PXDNL: variants seen among roughly 807,000 people sequenced by gnomAD.
PXDNL encodes probable oxidoreductase PXDNL.
Under a neutral mutation model 150.8 loss-of-function variants are expected in PXDNL, and 145 were observed. That is an observed-to-expected ratio of 0.96 (90% confidence interval 0.84 to 1.10). PXDNL has a LOEUF of 1.10. PXDNL is among the 50% of genes least tolerant of loss of function. PXDNL has a pLI of 0.00. For synonymous variants in PXDNL, 757 were observed against 725.7 expected (o/e 1.04, Z -0.69); for missense variants, 2,087 against 1,873.9 (o/e 1.11, Z -2.10).
intron 1 of PXDNL, among the ~76,000 whole-genome samples, chr8:51,672,981 G>C (rs1455343421): frequency 1.3e-5 from 2 of 152,142 alleles, no homozygotes; most frequent in Non-Finnish European, 2.9e-5. Context: ...AATAGATTCA[G>C]ATGGTGCAAT....
intron 4 of PXDNL, among the ~76,000 whole-genome samples, chr8:51,552,047 T>C (rs1379781673): frequency 6.6e-6 from 1 of 152,116 alleles, no homozygotes; most frequent in Non-Finnish European, 1.5e-5. Flanking sequence ...AAAGAAGGTA[T>C]ACAAATGGCC....
intron 4 of PXDNL, among the ~76,000 whole-genome samples, chr8:51,544,381 T>C (rs1812304768): frequency 1.3e-5 from 2 of 152,202 alleles, no homozygotes; most frequent in African/African-American, 4.8e-5. Flanking sequence ...TCTTACAAGA[T>C]GATTACTCCT....
In PXDNL at chr8:51,478,603, A is replaced by G. The variant is rs114299141; in HGVS notation, c.525-3462T>C. Among the ~76,000 whole-genome samples, 399 of 152,262 alleles carry G rather than the reference A, an allele frequency of 2.6e-3. 2 individuals carry two copies. The highest frequency in any genetic ancestry group is 8.9e-3 in the African/African-American group (369 of 41,550). Reference sequence around the variant, plus strand: ...AGAAATGGCATGGTACAGATGGAGAACCCAGTGTCGGGTGATCCTTCAAAG... The same window carrying G: ...AGAAATGGCATGGTACAGATGGAGAGCCCAGTGTCGGGTGATCCTTCAAAG... On this transcript the variant is annotated intron_variant, in intron 6 of 22. Coordinates refer to ENST00000356297, the MANE Select transcript of PXDNL (RefSeq NM_144651.5).
At chr8:51,344,870 A>G (rs1320947491) in intron 20 of PXDNL, among the ~76,000 whole-genome samples, 1 of 152,214 alleles carries the variant, frequency 6.6e-6, no homozygotes, top group Non-Finnish European at 1.5e-5. Context: ...TAACATGCAT[A>G]GTTATGAAGC....
chr8:51,386,124 G>T (rs1033623188), intron 17 of PXDNL, among the ~76,000 whole-genome samples: 3 of 150,620 alleles, frequency 2.0e-5, no homozygotes, highest in Non-Finnish European at 1.5e-5. Context: ...TAAGACTCTT[G>T]CTCTGTCACC....
chr8:51,540,293 C>A (rs761780013), intron 4 of PXDNL, among the ~76,000 whole-genome samples: 1 of 151,954 alleles, frequency 6.6e-6, no homozygotes, highest in Non-Finnish European at 1.5e-5. Flanking sequence ...CATTTTTTGT[C>A]CTGATTCTTA....
chr8:51,662,157 GCCTT>G (rs1470755072), intron 1 of PXDNL, among the ~76,000 whole-genome samples: 1 of 152,118 alleles, frequency 6.6e-6, no homozygotes, highest in Non-Finnish European at 1.5e-5. Flanking sequence ...ATTATAATTG[GCCTT>G]CCTTATTTTC....
chr8:51,788,818 T>C (rs1330710302), intron 1 of PXDNL, among the ~76,000 whole-genome samples: 1 of 152,194 alleles, frequency 6.6e-6, no homozygotes. Context: ...AGATCTCAAG[T>C]AGAGGTGTTC....
chr8:51,711,455 A>C (rs1477330481), intron 1 of PXDNL, among the ~76,000 whole-genome samples: 1 of 152,238 alleles, frequency 6.6e-6, no homozygotes, highest in Non-Finnish European at 1.5e-5. Context: ...TCTCTTGAAC[A>C]TATCAATGTA....
chr8:51,511,274 T>C (rs1347576294), intron 4 of PXDNL, among the ~76,000 whole-genome samples: 2 of 152,194 alleles, frequency 1.3e-5, no homozygotes, highest in Non-Finnish European at 2.9e-5. Flanking sequence ...TCCTGATACA[T>C]AGCAGAAGTC....
In PXDNL at chr8:51,319,765, T is replaced by G; in HGVS notation, c.*126A>C. Reference sequence around the variant, plus strand: ...GATCGTAAGTATATGTAAGATTAGATGAACTAAGTTGCTTAAGTCAGTGGT... The same window carrying G: ...GATCGTAAGTATATGTAAGATTAGAGGAACTAAGTTGCTTAAGTCAGTGGT... On this transcript the variant is annotated 3_prime_UTR_variant, in exon 23 of 23. Coordinates refer to ENST00000356297, the MANE Select transcript of PXDNL (RefSeq NM_144651.5). 5 of 705,668 alleles carry G rather than the reference T, an allele frequency of 7.1e-6. No individual in the cohort carries two copies. The highest frequency in any genetic ancestry group is 1.8e-5 in the African/African-American group (1 of 54,382). The allele number at this position is 705,668 out of a possible 1,614,324, so 43.7% of individuals were successfully genotyped here.
At chr8:51,430,758 T>G (rs1473279830) in intron 12 of PXDNL, among the ~76,000 whole-genome samples, 1 of 152,234 alleles carries the variant, frequency 6.6e-6, no homozygotes, top group Non-Finnish European at 1.5e-5. Context: ...TCCAAAATGC[T>G]AAACTCCTTT....
At chr8:51,547,414 A>G (rs1440619809) in intron 4 of PXDNL, among the ~76,000 whole-genome samples, 1 of 152,148 alleles carries the variant, frequency 6.6e-6, no homozygotes, top group Non-Finnish European at 1.5e-5. Context: ...ATAAAACTCC[A>G]ACAATGGACT....
chr8:51,739,445 AT>A (rs149180343), intron 1 of PXDNL, among the ~76,000 whole-genome samples: 9,196 of 152,224 alleles, frequency 0.06, 322 homozygotes, highest in African/African-American at 0.1. Context: ...AATAATAGGC[AT>A]AAAAATTGGA....
intron 1 of PXDNL, among the ~76,000 whole-genome samples, chr8:51,795,310 A>C (rs912799940): frequency 3.3e-5 from 5 of 152,268 alleles, no homozygotes; most frequent in Non-Finnish European, 7.3e-5. Flanking sequence ...AGATATCTAC[A>C]GAACTCTCCA....
At position 51,536,001 on chromosome 8, in the gene PXDNL, T is replaced by G. The variant is rs140702671; in HGVS notation, c.380+20839A>C. Among the ~76,000 whole-genome samples, 162 of 152,256 alleles carry G rather than the reference T, an allele frequency of 1.1e-3. 1 individual carries two copies. Among genetic ancestry groups the G allele is most frequent in the African/African-American group, 3.7e-3 (155 of 41,536 alleles). On this transcript the variant is annotated intron_variant, in intron 4 of 22. Coordinates refer to ENST00000356297, the MANE Select transcript of PXDNL (RefSeq NM_144651.5). Reference sequence around the variant, plus strand: ...TGACCCCAGCCCTGGACTTGGGGGATGGAACAAGTGATTAAGTTCAGTGCA... The same window carrying G: ...TGACCCCAGCCCTGGACTTGGGGGAGGGAACAAGTGATTAAGTTCAGTGCA...
chr8:51,550,563 C>G (rs182578029), intron 4 of PXDNL, among the ~76,000 whole-genome samples: 1 of 152,050 alleles, frequency 6.6e-6, no homozygotes, highest in Non-Finnish European at 1.5e-5. Flanking sequence ...ACCACATAAA[C>G]AGAATTAAAA....
intron 8 of PXDNL, among the ~76,000 whole-genome samples, chr8:51,464,739 G>A (rs1002922011): frequency 3.3e-5 from 5 of 152,082 alleles, no homozygotes; most frequent in Non-Finnish European, 7.4e-5. Flanking sequence ...GCTAGGGGAG[G>A]GATAGCATTA....
chr8:51,726,046 T>A (rs1323503509), intron 1 of PXDNL, among the ~76,000 whole-genome samples: 1 of 152,264 alleles, frequency 6.6e-6, no homozygotes, highest in African/African-American at 2.4e-5. Context: ...ATTTGTCCAA[T>A]GTCATCTTGA....
Sources: allele counts gnomAD v4.1 joint callset (sites outside exome capture counted in the v4.1 genomes callset), GRCh38; gene constraint gnomAD v4.1.1; transcripts MANE v1.5; gene names NCBI Gene and HGNC (gene_info 2026-07-23, HGNC 2026-07-21).